The following SNX29 variants were observed in gnomAD, a reference collection of about 807,000 sequenced individuals.
SNX29 encodes the protein sorting nexin-29.
SNX29 carries 78 observed loss-of-function variants against 102.1 expected under a neutral mutation model. The observed-to-expected ratio is 0.76, with a 90% CI of 0.64 to 0.92. SNX29 has a LOEUF of 0.92. Ranked by LOEUF, SNX29 falls within the 40% of genes least tolerant of loss-of-function variation. The pLI is 0.00. For synonymous variants in SNX29, 580 were observed against 414.5 expected, an observed-to-expected ratio of 1.40 and a Z score of -4.85; for missense variants, 1,280 against 1,061.7, an observed-to-expected ratio of 1.21 and a Z score of -2.86.
chr16:12,330,313 A>G (rs538458664), intron 15 of SNX29, among the ~76,000 whole-genome samples: 2 of 152,198 alleles, frequency 1.3e-5, no homozygotes, highest in East Asian at 3.9e-4. Flanking sequence ...GTAAAAATAG[A>G]GAAATTAGCC....
At chr16:12,194,622 GT>G (rs34250906) in intron 13 of SNX29, among the ~76,000 whole-genome samples, 85,023 of 129,162 alleles carry the variant, frequency 0.66, 28,940 homozygotes, top group South Asian at 0.78. Flanking sequence ...GGGGTGGGTA[GT>G]TTTTTTTTTT....
rs79003181 is a variant in SNX29 at position 12,548,508 on chromosome 16, G to A, written c.2319-19998G>A. 2.5e-3 allele frequency among the ~76,000 whole-genome samples: 380 copies of A among 152,294 alleles called. 1 individual carries two copies. The highest frequency in any genetic ancestry group is 4.1e-3 in the Non-Finnish European group (281 of 68,016). Reference sequence around the variant, plus strand: ...TGACTAGTCAGGGTTGTCTTGTCTGGACCAGATGCTTTGAGGGTGCAGCCT... The same window carrying A: ...TGACTAGTCAGGGTTGTCTTGTCTGAACCAGATGCTTTGAGGGTGCAGCCT... On this transcript the variant is annotated intron_variant, in intron 20 of 20. Transcript: ENST00000566228.
intron 19 of SNX29, among the ~76,000 whole-genome samples, chr16:12,500,104 A>T (rs3865111): frequency 6.6e-6 from 1 of 152,026 alleles, no homozygotes; most frequent in African/African-American, 2.4e-5. Context: ...GGATCCTCCT[A>T]CCTCAGCCTC....
At chr16:12,154,673 T>C (rs747161964) in intron 13 of SNX29, among the ~76,000 whole-genome samples, 1 of 152,158 alleles carries the variant, frequency 6.6e-6, no homozygotes, top group Non-Finnish European at 1.5e-5. Flanking sequence ...ACTGGGTGGC[T>C]TATAAACAAC....
intron 15 of SNX29, among the ~76,000 whole-genome samples, chr16:12,294,156 C>T (rs2079899102): frequency 6.6e-6 from 1 of 152,242 alleles, no homozygotes; most frequent in African/African-American, 2.4e-5. Flanking sequence ...TGGGCCCTGT[C>T]ACCTGACCTC....
intron 18 of SNX29, among the ~76,000 whole-genome samples, chr16:12,418,408 G>C (rs1282553881): frequency 1.3e-5 from 2 of 152,096 alleles, no homozygotes; most frequent in Non-Finnish European, 1.5e-5. Context: ...TTCTAGTGGA[G>C]TGGGTGAGAA....
intron 13 of SNX29, among the ~76,000 whole-genome samples, chr16:12,188,258 T>G (rs950645802): frequency 1.3e-5 from 2 of 152,234 alleles, no homozygotes; most frequent in Non-Finnish European, 2.9e-5. Flanking sequence ...GTCTGTAGTT[T>G]CTGAAGGTAG....
At chr16:12,359,633 C>T (rs544500725) in intron 16 of SNX29, among the ~76,000 whole-genome samples, 9 of 152,226 alleles carry the variant, frequency 5.9e-5, no homozygotes, top group African/African-American at 2.2e-4. Context: ...TAACAAAAAC[C>T]CATGTCCCTA....
At chr16:12,451,884 T>C (rs2086314875) in intron 18 of SNX29, among the ~76,000 whole-genome samples, 2 of 152,108 alleles carry the variant, frequency 1.3e-5, no homozygotes, top group Non-Finnish European at 2.9e-5. Context: ...AACAAACAGA[T>C]GGTTTCTAAC....
intron 20 of SNX29, among the ~76,000 whole-genome samples, chr16:12,537,842 G>C (rs969921775): frequency 3.9e-5 from 6 of 152,090 alleles, no homozygotes; most frequent in Non-Finnish European, 7.4e-5. Context: ...TTGTCTGGCT[G>C]GGCATGGTGG....
At chr16:12,420,185 A>C (rs1048305052) in intron 18 of SNX29, among the ~76,000 whole-genome samples, 5 of 152,242 alleles carry the variant, frequency 3.3e-5, no homozygotes, top group Non-Finnish European at 7.3e-5. Flanking sequence ...TCCAGCATTG[A>C]CACATGTCAC....
intron 12 of SNX29, among the ~76,000 whole-genome samples, chr16:12,127,045 G>T (rs779773530): frequency 2.6e-5 from 4 of 152,054 alleles, no homozygotes; most frequent in African/African-American, 9.7e-5. Context: ...AAGGCAGGTG[G>T]ATCACAAGGT....
At chr16:12,240,742 AGT>A (rs140820613) in intron 14 of SNX29, among the ~76,000 whole-genome samples, 1 of 150,826 alleles carries the variant, frequency 6.6e-6, no homozygotes, top group African/African-American at 2.4e-5. Flanking sequence ...TGGGATTACA[AGT>A]GTGTGTGTGT....
At position 12,530,711 on chromosome 16, in the gene SNX29, A is replaced by G. The variant is rs147604590; in HGVS notation, c.2318+5870A>G. Among the ~76,000 whole-genome samples the G allele has an allele frequency of 5.3e-5, 8 of 152,240 alleles. No individual in the cohort carries two copies. The East Asian group carries it at 1.4e-3, about 26-fold the overall frequency. On this transcript the variant is annotated intron_variant, in intron 20 of 20. Coordinates refer to ENST00000566228, the MANE Select transcript of SNX29 (RefSeq NM_032167.5). ...GCTGGAATTACAAGTGGCCGCTACCATGCCCAGCTAATTTTTGTATTTTTA... is the reference window on the plus strand; with the variant it reads ...GCTGGAATTACAAGTGGCCGCTACCGTGCCCAGCTAATTTTTGTATTTTTA...
At chr16:12,466,992 A>G (rs1249600711) in intron 18 of SNX29, among the ~76,000 whole-genome samples, 1 of 152,222 alleles carries the variant, frequency 6.6e-6, no homozygotes, top group Non-Finnish European at 1.5e-5. Context: ...TCAGTGAGTT[A>G]GGGGAACAAG....
chr16:12,405,086 C>G (rs867325565), intron 18 of SNX29, among the ~76,000 whole-genome samples: 8 of 152,164 alleles, frequency 5.3e-5, no homozygotes, highest in Non-Finnish European at 8.8e-5. Context: ...CTTTTGTCCC[C>G]CACAAACCCA....
chr16:12,218,654 A>G (rs2077389169), intron 14 of SNX29, among the ~76,000 whole-genome samples: 1 of 152,234 alleles, frequency 6.6e-6, no homozygotes, highest in Non-Finnish European at 1.5e-5. Flanking sequence ...CTCCTGATCA[A>G]AAGATGTATA....
chr16:12,489,772 C>T (rs774649355), intron 19 of SNX29, among the ~76,000 whole-genome samples: 2 of 152,114 alleles, frequency 1.3e-5, no homozygotes, highest in African/African-American at 2.4e-5. Flanking sequence ...TTCTTCCTCC[C>T]CCGTTCACTT....
At chr16:12,161,936 G>A (rs2055802000) in intron 13 of SNX29, among the ~76,000 whole-genome samples, 1 of 152,158 alleles carries the variant, frequency 6.6e-6, no homozygotes, top group Non-Finnish European at 1.5e-5. Context: ...CCAGCCTCAG[G>A]TATTCCTGAT....
Sources: allele counts gnomAD v4.1 joint callset (sites outside exome capture counted in the v4.1 genomes callset), GRCh38; gene constraint gnomAD v4.1.1; transcripts MANE v1.5; gene names NCBI Gene and HGNC (gene_info 2026-07-23, HGNC 2026-07-21).